The following DGKI variants were observed in gnomAD, a reference collection of about 807,000 sequenced individuals.
DGKI encodes DAG kinase iota.
In DGKI, 55 loss-of-function variants were observed where a neutral mutation model predicts 147.5. That is an observed-to-expected ratio of 0.37 (90% confidence interval 0.30 to 0.47). The LOEUF (loss-of-function observed/expected upper bound fraction) is 0.47. Ranked by LOEUF, DGKI falls within the 20% of genes least tolerant of loss-of-function variation. The probability of loss-of-function intolerance (pLI) is 1.00; values close to 1 mark genes in which losing one functional copy is unlikely to be tolerated. For synonymous variants in DGKI, 469 were observed against 477.1 expected, an observed-to-expected ratio of 0.98 and a Z score of 0.22; for missense variants, 1,007 against 1,323.8, an observed-to-expected ratio of 0.76 and a Z score of 3.71.
chr7:137,613,304 A>G (rs1820429269), intron 8 of DGKI, among the ~76,000 whole-genome samples: 1 of 152,104 alleles, frequency 6.6e-6, no homozygotes, highest in Admixed American at 6.6e-5. Context: ...ATTAAAGCGC[A>G]TTCTTACTCT....
At chr7:137,637,692 C>G (rs1403055348) in intron 6 of DGKI, among the ~76,000 whole-genome samples, 1 of 152,172 alleles carries the variant, frequency 6.6e-6, no homozygotes, top group Non-Finnish European at 1.5e-5. Context: ...GCTAACTATT[C>G]AGCTCATATT....
chr7:137,575,273 AT>A (rs1818932404), intron 17 of DGKI, among the ~76,000 whole-genome samples: 1 of 152,138 alleles, frequency 6.6e-6, no homozygotes. Flanking sequence ...CACCTTTAAT[AT>A]TACATATATA....
intron 13 of DGKI, among the ~76,000 whole-genome samples, chr7:137,586,635 C>G (rs1351762737): frequency 6.6e-6 from 1 of 151,988 alleles, no homozygotes; most frequent in African/African-American, 2.4e-5. Context: ...AGTACCTATA[C>G]AGCCAAAGCT....
chr7:137,687,465 T>G (rs1423695591), intron 2 of DGKI, among the ~76,000 whole-genome samples: 1 of 152,206 alleles, frequency 6.6e-6, no homozygotes, highest in Non-Finnish European at 1.5e-5. Context: ...GAGAGGTGAC[T>G]GTTTTTGCAC....
chr7:137,590,625 CACAA>C (rs910245509), intron 12 of DGKI, among the ~76,000 whole-genome samples: 8 of 152,186 alleles, frequency 5.3e-5, no homozygotes, highest in South Asian at 2.1e-4. Flanking sequence ...GCCCATGGAA[CACAA>C]ACAATTTCCA....
intron 18 of DGKI, 44 bp from the exon 19 acceptor site, chr7:137,571,330 TCTCATGA>T (rs1818787213): frequency 1.5e-6 from 2 of 1,348,576 alleles, no homozygotes; most frequent in Non-Finnish European, 1.1e-6. Context: ...GTCCCATCCT[TCTCATGA>T]CTATCATGAG....
At chr7:137,620,696 G>A (rs1479623495) in intron 7 of DGKI, among the ~76,000 whole-genome samples, 1 of 152,200 alleles carries the variant, frequency 6.6e-6, no homozygotes, top group East Asian at 1.9e-4. Context: ...CACAGTATTA[G>A]GGTCTTAACT....
intron 24 of DGKI, 107 bp downstream of exon 24, chr7:137,469,443 G>C: frequency 1.8e-6 from 2 of 1,132,986 alleles, no homozygotes; most frequent in Admixed American, 3.7e-5. Context: ...GTCACATGAA[G>C]GCTTTCTGAA....
chr7:137,624,780 ATT>A, intron 6 of DGKI, among the ~76,000 whole-genome samples: 1 of 150,626 alleles, frequency 6.6e-6, no homozygotes, highest in Non-Finnish European at 1.5e-5. Flanking sequence ...AATTTTTTGT[ATT>A]TTTTTAGTAG....
intron 28 of DGKI, among the ~76,000 whole-genome samples, chr7:137,443,168 G>C (rs1813577267): frequency 1.3e-5 from 2 of 152,130 alleles, no homozygotes; most frequent in Admixed American, 1.3e-4. Context: ...GGAAGACAAA[G>C]ATTCCATCAT....
In DGKI at chr7:137,645,506, C is replaced by T. The variant is rs200612150; in HGVS notation, c.770G>A (p.Arg257His). Residue 257 changes from arginine (R) to histidine (H), a missense_variant, in exon 6 of 33, where the codon CGT (arginine) becomes CAT (histidine). Arg to His is a conservative substitution (Grantham distance 29). Transcript: ENST00000614521. ...CTGCTTACATTTCCCCTCCTGCCGA[C>T]GCCTGTGCACCCAGTGATGACGTAC... ...NFVRHHWVHR[R>H]RQEGKCKQCG... 43 of 1,613,492 alleles carry T rather than the reference C, an allele frequency of 2.7e-5. No individual in the cohort carries two copies. Among genetic ancestry groups the T allele is most frequent in the South Asian group, 6.6e-5 (6 of 91,022 alleles).
intron 1 of DGKI, among the ~76,000 whole-genome samples, chr7:137,779,277 T>C (rs7802987): frequency 0.2 from 29,656 of 151,946 alleles, 4,120 homozygotes; most frequent in African/African-American, 0.39. Flanking sequence ...AGCTAGATGT[T>C]CATATGGAAA....
chr7:137,582,702 G>A (rs534640815), intron 14 of DGKI, among the ~76,000 whole-genome samples: 1 of 152,138 alleles, frequency 6.6e-6, no homozygotes, highest in African/African-American at 2.4e-5. Context: ...TGTTACCACT[G>A]CAAGCTGAAT....
At chr7:137,551,722 T>C (rs553833037) in intron 20 of DGKI, among the ~76,000 whole-genome samples, 4 of 152,272 alleles carry the variant, frequency 2.6e-5, no homozygotes, top group Admixed American at 1.3e-4. Context: ...GTCAGTTTAT[T>C]AAAATGCCTA....
At chr7:137,501,272 T>C (rs930991340) in intron 21 of DGKI, among the ~76,000 whole-genome samples, 1 of 152,214 alleles carries the variant, frequency 6.6e-6, no homozygotes, top group Non-Finnish European at 1.5e-5. Flanking sequence ...CATCCATTGA[T>C]AGACACTTAG....
At chr7:137,575,836 G>T (rs765220607) in intron 17 of DGKI, among the ~76,000 whole-genome samples, 1 of 151,590 alleles carries the variant, frequency 6.6e-6, no homozygotes, top group Non-Finnish European at 1.5e-5. Context: ...TAATAGCAGC[G>T]GTAAAGGCCT....
At chr7:137,608,266 C>T (rs1368156231) in intron 10 of DGKI, among the ~76,000 whole-genome samples, 1 of 152,046 alleles carries the variant, frequency 6.6e-6, no homozygotes, top group African/African-American at 2.4e-5. Flanking sequence ...AATTAAAGCC[C>T]ATAGAAGAGT....
At chr7:137,770,385 T>A (rs1408075880) in intron 1 of DGKI, among the ~76,000 whole-genome samples, 1 of 152,010 alleles carries the variant, frequency 6.6e-6, no homozygotes, top group Non-Finnish European at 1.5e-5. Context: ...AAAACCTAGA[T>A]GACGGGTTGA....
intron 1 of DGKI, among the ~76,000 whole-genome samples, chr7:137,742,653 T>C (rs752241851): frequency 2.4e-4 from 36 of 152,032 alleles, no homozygotes; most frequent in Non-Finnish European, 3.5e-4. Flanking sequence ...CTTATGAGAA[T>C]GAAAGCCTAG....
Sources: allele counts gnomAD v4.1 joint callset (sites outside exome capture counted in the v4.1 genomes callset), GRCh38; gene constraint gnomAD v4.1.1; transcripts MANE v1.5; gene names NCBI Gene and HGNC (gene_info 2026-07-23, HGNC 2026-07-21).